Variants in FANCI observed in about 807,000 individuals in gnomAD.
FANCI encodes FA complementation group I, also known as Fanconi anemia group I protein.
A neutral mutation model predicts 176.1 loss-of-function variants in FANCI; 156 were observed. That is an observed-to-expected ratio of 0.89 (90% CI 0.78 to 1.01). The LOEUF (loss-of-function observed/expected upper bound fraction) is 1.01. Among genes scored for constraint, FANCI ranks in the 50% least tolerant of loss-of-function variants. The pLI, the probability that FANCI is intolerant of heterozygous loss-of-function variation, is 0.00. For missense variants in FANCI, 1,678 were observed against 1,534.1 expected, an observed-to-expected ratio of 1.09 and a Z score of -1.57; for synonymous variants, 613 against 541.7, an observed-to-expected ratio of 1.13 and a Z score of -1.83.
At chr15:89,261,437 CAG>C (rs1050661963) in intron 4 of FANCI, 146 bp from the exon 5 acceptor site, 5 of 977,924 alleles carry the variant, frequency 5.1e-6, no homozygotes, top group Non-Finnish European at 6.4e-6. Flanking sequence ...ACGTACCAGA[CAG>C]AGCAGAATGA....
chr15:89,248,472 G>C lies in FANCI; in HGVS notation c.84+741G>C, dbSNP rs58808369. Among the ~76,000 whole-genome samples, 523 of 152,208 alleles carry C rather than the reference G, an allele frequency of 3.4e-3. 4 individuals are homozygous for C. The highest frequency in any genetic ancestry group is 0.012 in the African/African-American group (504 of 41,552). On this transcript the variant is annotated intron_variant, in intron 2 of 37. Transcript: ENST00000310775. ...AGTTATTGAAGGAAGGTGCATCTTA[G>C]TGTGTGTTATCTGACATACTAACTA...
rs1348870572 is a variant in FANCI at position 89,307,498 on chromosome 15, C to A, written c.3560C>A (p.Ser1187Tyr). ...TAGTATCTCCAGGTGTGTCAGAGCT[C>A]CGGAGGAATTCCAAAAAATATGGAA... The part of the protein sequence containing the change: ...VRYYLQVCQS[S>Y]GGIPKNMEKL... Residue 1187 changes from serine (S) to tyrosine (Y), a missense_variant, in exon 33 of 38, where the codon TCC (serine) becomes TAC (tyrosine). Coordinates refer to ENST00000310775, the MANE Select transcript of FANCI (RefSeq NM_001113378.2). 4.3e-6 allele frequency: 7 copies of A among 1,614,014 alleles called. No individual in the cohort carries two copies. The highest frequency in any genetic ancestry group is 2.7e-5 in the African/African-American group (2 of 74,896).
intron 1 of FANCI, 139 bp from the exon 2 acceptor site, chr15:89,247,490 G>C (rs2052040411): frequency 1.5e-6 from 1 of 670,230 alleles, no homozygotes; most frequent in Admixed American, 2.4e-5. Context: ...AAAAGAATCA[G>C]CTACTTAAAG....
intron 16 of FANCI, 128 bp from the exon 17 acceptor site, chr15:89,283,006 CTT>C: frequency 3.4e-6 from 3 of 881,598 alleles, no homozygotes; most frequent in Admixed American, 2.0e-5. Flanking sequence ...CATAAATTCA[CTT>C]TGTTTTGCTC....
chr15:89,312,064 T>G (rs942580016), intron 34 of FANCI, among the ~76,000 whole-genome samples: 1 of 152,212 alleles, frequency 6.6e-6, no homozygotes, highest in African/African-American at 2.4e-5. Context: ...TTTTAACCCT[T>G]CTTGAGCATG....
intron 29 of FANCI, 42 bp from the exon 30 acceptor site, chr15:89,305,299 A>G (rs1281656728): frequency 6.2e-7 from 1 of 1,614,188 alleles, no homozygotes; most frequent in Admixed American, 1.7e-5. Context: ...TCAAGGGAAC[A>G]ACCTTACTGT....
chr15:89,284,187 G>A lies in FANCI; in HGVS notation c.1699-909G>A, dbSNP rs529051265. Among the ~76,000 whole-genome samples the A allele has an allele frequency of 2.0e-5, 3 of 152,130 alleles. No individual in the cohort carries two copies. The South Asian group carries it at 6.2e-4, about 32-fold the overall frequency. On this transcript the variant is annotated intron_variant, in intron 17 of 37. Coordinates refer to ENST00000310775, the MANE Select transcript of FANCI (RefSeq NM_001113378.2). The stretch of plus-strand genomic sequence containing the variant: ...TACTATTATTATCCCATTTTCTTAC[G>A]TCATTGTATTTACTTTGCACAGGAA...
chr15:89,301,283 G>A (rs1165645044), intron 26 of FANCI, 43 bp from the exon 27 acceptor site: 12 of 1,278,014 alleles, frequency 9.4e-6, no homozygotes, highest in Middle Eastern at 1.8e-4. Context: ...TGATAGGAAC[G>A]TGTCTGCTAA....
chr15:89,254,736 C>T (rs1448683348), intron 2 of FANCI, among the ~76,000 whole-genome samples: 1 of 152,088 alleles, frequency 6.6e-6, no homozygotes, highest in Non-Finnish European at 1.5e-5. Context: ...TGCTTGAGCC[C>T]AGGAGTTTCA....
At chr15:89,284,359 C>T (rs2053736812) in intron 17 of FANCI, among the ~76,000 whole-genome samples, 1 of 152,112 alleles carries the variant, frequency 6.6e-6, no homozygotes, top group Admixed American at 6.5e-5. Context: ...AACAGTTTGA[C>T]TAGGAATCCT....
chr15:89,307,573 A>G (rs752793238), intron 33 of FANCI, 40 bp from the exon 34 acceptor site: 25 of 1,614,072 alleles, frequency 1.5e-5, no homozygotes, highest in Admixed American at 1.2e-4. Flanking sequence ...AAGCACTTTT[A>G]CTGCTGGTTA....
chr15:89,295,163 A>T, intron 24 of FANCI, 69 bp downstream of exon 24: 1 of 1,481,496 alleles, frequency 6.7e-7, no homozygotes, highest in Non-Finnish European at 9.0e-7. Context: ...ACAAACTGGG[A>T]ACAGAGGATG....
chr15:89,306,522 T>A (rs775978817), intron 32 of FANCI, among the ~76,000 whole-genome samples: 68 of 152,062 alleles, frequency 4.5e-4, no homozygotes, highest in Middle Eastern at 3.4e-3. Context: ...TGAAACCCCG[T>A]CTCTACTAAA....
intron 9 of FANCI, among the ~76,000 whole-genome samples, chr15:89,267,320 CAAAAAAA>C (rs35394265): frequency 7.7e-6 from 1 of 130,232 alleles, no homozygotes; most frequent in African/African-American, 3.1e-5. Flanking sequence ...ATCCTTGTCT[CAAAAAAA>C]AAAAATTTTT....
At chr15:89,264,456 C>A (rs2052852575) in intron 8 of FANCI, 66 bp from the exon 9 acceptor site, 1 of 1,335,112 alleles carries the variant, frequency 7.5e-7, no homozygotes, top group Non-Finnish European at 1.1e-6. Context: ...CTGAAAACTA[C>A]TTTGAATTCA....
Position 89,273,406 on chromosome 15 carries a change from C to T in FANCI, c.912C>T (p.Asn304=). Residue 304 remains asparagine (N), a synonymous_variant, in exon 11 of 38, where the codon AAC becomes AAT. Coordinates refer to ENST00000310775, the MANE Select transcript of FANCI (RefSeq NM_001113378.2). ...GACAGCAAGGAGATTCCAATAATAA[C>T]TTAAGTCCCTTCAGCATTGCTCTTC... ...KVGQQGDSNN[N]LSPFSIALLL... 6.2e-7 allele frequency: 1 copy of T among 1,600,142 alleles called. No homozygotes were observed. Among genetic ancestry groups the T allele is most frequent in the Non-Finnish European group, 8.5e-7 (1 of 1,172,132 alleles).
At chr15:89,285,794 T>G (rs1485945903) in intron 18 of FANCI, among the ~76,000 whole-genome samples, 2 of 152,180 alleles carry the variant, frequency 1.3e-5, no homozygotes, top group East Asian at 3.8e-4. Flanking sequence ...ACCCATACCC[T>G]TAATTTATTG....
At chr15:89,310,882 T>G (rs533845986) in intron 34 of FANCI, among the ~76,000 whole-genome samples, 1 of 151,926 alleles carries the variant, frequency 6.6e-6, no homozygotes, top group South Asian at 2.1e-4. Context: ...CCCAGCACTT[T>G]GGGAGGCCGA....
chr15:89,313,122 T>C (rs1432053720), intron 35 of FANCI, 150 bp downstream of exon 35: 1 of 786,940 alleles, frequency 1.3e-6, no homozygotes, highest in Admixed American at 2.0e-5. Context: ...CAAACTAGAT[T>C]AGTGGTAGCG....
Sources: gnomAD v4.1 joint callset for allele counts (sites outside exome capture counted in the v4.1 genomes callset) on GRCh38, gnomAD v4.1.1 for gene constraint, MANE v1.5 for transcripts, NCBI Gene and HGNC (gene_info 2026-07-23, HGNC 2026-07-21) for gene names.